Variants in COL11A1 observed in about 807,000 individuals in gnomAD.
COL11A1 encodes collagen alpha-1(XI) chain.
In COL11A1, 74 loss-of-function variants were observed where a neutral mutation model predicts 265.2. That is an observed-to-expected ratio of 0.28 (90% CI 0.23 to 0.34). The LOEUF is 0.34. Ranked by LOEUF, COL11A1 falls within the 10% of genes least tolerant of loss-of-function variation. The probability of loss-of-function intolerance (pLI) is 1.00; values close to 1 mark genes in which losing one functional copy is unlikely to be tolerated. For synonymous variants in COL11A1, 816 were observed against 727.6 expected, an observed-to-expected ratio of 1.12 and a Z score of -1.96; for missense variants, 2,165 against 2,263.6, an observed-to-expected ratio of 0.96 and a Z score of 0.88.
chr1:103,003,953 T>G (rs1665367979), intron 20 of COL11A1, among the ~76,000 whole-genome samples: 1 of 152,144 alleles, frequency 6.6e-6, no homozygotes, highest in South Asian at 2.1e-4. Context: ...AAAACCAAAA[T>G]TAGGAGGCCT....
chr1:102,979,061 G>A lies in COL11A1; in HGVS notation c.2654C>T (p.Thr885Met), dbSNP rs550201657. Residue 885 changes from threonine to methionine, a missense_variant and splice_region_variant, in exon 33 of 67, where the codon ACG becomes ATG. Transcript: ENST00000370096. The part of the protein sequence containing the change: ...KPGPRGQRGP[T>M]GPRGSRGARG... Reference sequence around the variant, plus strand: ...ATCATTTTAAATCAAGGCACCTACCGTTGGACCACGCTGACCCCGAGGGCC... The same window carrying A: ...ATCATTTTAAATCAAGGCACCTACCATTGGACCACGCTGACCCCGAGGGCC... The A allele has an allele frequency of 3.7e-5, 59 of 1,614,024 alleles. No homozygotes were observed. Among genetic ancestry groups the A allele is most frequent in the East Asian group, 8.9e-5 (4 of 44,878 alleles).
intron 4 of COL11A1, among the ~76,000 whole-genome samples, chr1:103,070,153 A>G (rs1449461292): frequency 6.6e-6 from 1 of 151,156 alleles, no homozygotes; most frequent in Non-Finnish European, 1.5e-5. Flanking sequence ...GCCCACTAAT[A>G]GGGTGAATGG....
At chr1:103,046,151 G>T (rs1669246238) in intron 4 of COL11A1, among the ~76,000 whole-genome samples, 1 of 151,016 alleles carries the variant, frequency 6.6e-6, no homozygotes. Context: ...GGATGACTGG[G>T]TCAAATGGTA....
chr1:103,101,450 T>C (rs1338993097), intron 1 of COL11A1, among the ~76,000 whole-genome samples: 9 of 151,958 alleles, frequency 5.9e-5, no homozygotes, highest in South Asian at 4.1e-4. Flanking sequence ...GCACCAAGTA[T>C]GAAAATGCAC....
At chr1:102,950,660 C>T (rs758723633) in intron 41 of COL11A1, among the ~76,000 whole-genome samples, 1 of 152,162 alleles carries the variant, frequency 6.6e-6, no homozygotes, top group Non-Finnish European at 1.5e-5. Context: ...AATATTTGGT[C>T]ACACTTATCT....
intron 41 of COL11A1, among the ~76,000 whole-genome samples, chr1:102,960,756 G>T (rs575656179): frequency 6.6e-6 from 1 of 152,152 alleles, no homozygotes; most frequent in African/African-American, 2.4e-5. Context: ...AAAAAAAAAG[G>T]ACTATAGCAA....
At chr1:102,933,379 G>T (rs369926307) in intron 46 of COL11A1, among the ~76,000 whole-genome samples, 1 of 146,682 alleles carries the variant, frequency 6.8e-6, no homozygotes, top group East Asian at 2.0e-4. Context: ...CCCCTGCTGG[G>T]GGGTGCCTCC....
intron 4 of COL11A1, among the ~76,000 whole-genome samples, chr1:103,056,004 G>A (rs1052175755): frequency 1.3e-5 from 2 of 152,178 alleles, no homozygotes; most frequent in African/African-American, 4.8e-5. Flanking sequence ...TTATAGAAGA[G>A]AGTCAAAATT....
At chr1:103,043,795 G>T (rs946330635) in intron 4 of COL11A1, among the ~76,000 whole-genome samples, 1 of 151,912 alleles carries the variant, frequency 6.6e-6, no homozygotes, top group African/African-American at 2.4e-5. Context: ...TCCAGTTTCA[G>T]GAGTCTTAAA....
intron 1 of COL11A1, among the ~76,000 whole-genome samples, chr1:103,085,852 T>C (rs990772519): frequency 1.3e-5 from 2 of 152,138 alleles, no homozygotes; most frequent in African/African-American, 2.4e-5. Context: ...AGGGAGAGCC[T>C]AATATGTGCC....
At chr1:103,076,172 T>G (rs4497231) in intron 3 of COL11A1, among the ~76,000 whole-genome samples, 20,929 of 152,126 alleles carry the variant, frequency 0.14, 1,594 homozygotes, top group Non-Finnish European at 0.16. Context: ...CATTTAGCCT[T>G]AGAGGCATTC....
At chr1:103,036,666 T>G (rs1668397025) in intron 4 of COL11A1, among the ~76,000 whole-genome samples, 2 of 152,010 alleles carry the variant, frequency 1.3e-5, no homozygotes, top group South Asian at 2.1e-4. Context: ...TGACATGTTT[T>G]AAGACACTCT....
Position 103,082,867 on chromosome 1 carries a change from T to G in COL11A1, c.212A>C (p.Asp71Ala). ...CTNRKNSKGS[D>A]TAYRVSKQAQ... ...TTGCTTTGAAACTCTGTAAGCAGTA[T>G]CTGAGCCTTTAGAATTCTTTCTGTT... Residue 71 changes from aspartate (D) to alanine (A), a missense_variant, in exon 2 of 67, where the codon GAT becomes GCT. Physicochemically the swap from Asp to Ala is moderately radical, Grantham distance 126 (BLOSUM62 -2). Coordinates refer to ENST00000370096, the MANE Select transcript of COL11A1 (RefSeq NM_001854.4). 1 of 1,613,770 alleles carries G rather than the reference T, an allele frequency of 6.2e-7. No individual in the cohort carries two copies. The highest frequency in any genetic ancestry group is 8.5e-7 in the Non-Finnish European group (1 of 1,179,758).
chr1:102,925,113 G>A (rs150804992), intron 46 of COL11A1, among the ~76,000 whole-genome samples: 4,925 of 151,910 alleles, frequency 0.032, 107 homozygotes, highest in Middle Eastern at 0.085. Flanking sequence ...TAGTACTTTC[G>A]TGACATTACT....
chr1:102,941,317 C>T (rs1658697327), intron 42 of COL11A1, among the ~76,000 whole-genome samples: 1 of 152,290 alleles, frequency 6.6e-6, no homozygotes, highest in South Asian at 2.1e-4. Flanking sequence ...CTGAAAAAAA[C>T]CTCCTGCCTT....
intron 4 of COL11A1, among the ~76,000 whole-genome samples, chr1:103,064,488 G>C (rs1670921755): frequency 6.6e-6 from 1 of 151,956 alleles, no homozygotes; most frequent in Non-Finnish European, 1.5e-5. Flanking sequence ...AGGAGATCAA[G>C]ACCATCGTGG....
At chr1:102,998,715 T>A (rs538090436) in intron 24 of COL11A1, among the ~76,000 whole-genome samples, 2 of 151,908 alleles carry the variant, frequency 1.3e-5, no homozygotes, top group East Asian at 3.9e-4. Context: ...ATTAAAGAGG[T>A]AAAGATTGTA....
intron 4 of COL11A1, among the ~76,000 whole-genome samples, chr1:103,040,175 T>A (rs996468539): frequency 6.6e-6 from 1 of 151,904 alleles, no homozygotes; most frequent in African/African-American, 2.4e-5. Context: ...TAAAGTTATA[T>A]TGTAATCCTA....
intron 1 of COL11A1, among the ~76,000 whole-genome samples, chr1:103,094,602 C>G (rs1022906613): frequency 2.6e-5 from 4 of 152,034 alleles, no homozygotes; most frequent in African/African-American, 9.7e-5. Flanking sequence ...CTTCCTCCTC[C>G]TCCTCAACAT....
Sources: gnomAD v4.1 joint callset for allele counts (sites outside exome capture counted in the v4.1 genomes callset) on GRCh38, gnomAD v4.1.1 for gene constraint, MANE v1.5 for transcripts, NCBI Gene and HGNC (gene_info 2026-07-23, HGNC 2026-07-21) for gene names.